NTF3: variants seen among roughly 807,000 people sequenced by gnomAD.
NTF3 encodes neurotrophin 3, also known as neurotrophin-3.
In NTF3, 8 loss-of-function variants were observed where a neutral mutation model predicts 26.3. The observed-to-expected ratio is 0.30, with a 90% CI of 0.18 to 0.55. The LOEUF is 0.55. Ranked by LOEUF, NTF3 falls within the 20% of genes least tolerant of loss-of-function variation. NTF3 has a pLI of 0.93. For synonymous variants in NTF3, 154 were observed against 145.5 expected (o/e 1.06, Z -0.42); for missense variants, 276 against 352.9 (o/e 0.78, Z 1.75).
chr12:5,462,806 T>A (rs1591598735), intron 1 of NTF3, among the ~76,000 whole-genome samples: 1 of 152,214 alleles, frequency 6.6e-6, no homozygotes, highest in East Asian at 1.9e-4. Flanking sequence ...TATGACATGA[T>A]GGATGTTCTT....
chr12:5,488,929 T>G (rs1351188525), intron 1 of NTF3, among the ~76,000 whole-genome samples: 2 of 152,200 alleles, frequency 1.3e-5, no homozygotes, highest in Non-Finnish European at 2.9e-5. Flanking sequence ...TATTAAAAAT[T>G]TGGCAAATTA....
Position 5,451,203 on chromosome 12 carries a change from C to T in NTF3, c.18+18861C>T, listed in dbSNP as rs1367919937. Among the ~76,000 whole-genome samples, 3 of 152,166 alleles carry T rather than the reference C, an allele frequency of 2.0e-5. No individual in the cohort carries two copies. In the East Asian group the frequency reaches 5.8e-4, roughly 29 times the overall value. On this transcript the variant is annotated intron_variant, in intron 1 of 1. Transcript: ENST00000423158. ...AATGAACTACCTTATGGGATTGTAC[C>T]CCTCTGCATGGTAGCCTCATCCTAC... is the stretch of plus-strand genomic sequence containing the variant.
intron 1 of NTF3, among the ~76,000 whole-genome samples, chr12:5,452,763 G>A (rs573876799): frequency 6.6e-6 from 1 of 152,332 alleles, no homozygotes; most frequent in African/African-American, 2.4e-5. Context: ...GCCTTGGGAA[G>A]AGCACTCAGG....
rs1940445450 is a variant in NTF3 at position 5,456,197 on chromosome 12, A to G, written c.18+23855A>G. On this transcript the variant is annotated intron_variant, in intron 1 of 1. Coordinates refer to ENST00000423158, the MANE Select transcript of NTF3 (RefSeq NM_001102654.2). The surrounding 1 kb of genome is among the most constrained non-coding windows in gnomAD (Gnocchi z 4.4). ...GTACAGGATGCACTGCAAGCTTTAA[A>G]TGCGAGTGGCATCATCCCCTTCCGG... is the stretch of plus-strand genomic sequence containing the variant. Among the ~76,000 whole-genome samples, 1 of 152,196 alleles carries G rather than the reference A, an allele frequency of 6.6e-6. No individual in the cohort carries two copies. The highest frequency in any genetic ancestry group is 6.5e-5 in the Admixed American group (1 of 15,278).
intron 1 of NTF3, among the ~76,000 whole-genome samples, chr12:5,454,063 A>G (rs1328598495): frequency 1.3e-5 from 2 of 152,112 alleles, no homozygotes; most frequent in African/African-American, 4.8e-5. Context: ...GTAACAAAGC[A>G]CCACAAATTG....
upstream of NTF3, among the ~76,000 whole-genome samples, chr12:5,431,233 C>T (rs1282420026): frequency 6.6e-6 from 1 of 152,158 alleles, no homozygotes; most frequent in South Asian, 2.1e-4. Context: ...TCGCGCTGTC[C>T]CCGCGTGCAG....
intron 1 of NTF3, among the ~76,000 whole-genome samples, chr12:5,467,008 G>A (rs1591600068): frequency 1.3e-5 from 2 of 152,126 alleles, no homozygotes; most frequent in South Asian, 4.2e-4. Context: ...AGGGCGGTTG[G>A]ATCACAAGGT....
chr12:5,442,391 G>A (rs1487829412), intron 1 of NTF3, among the ~76,000 whole-genome samples: 17 of 152,106 alleles, frequency 1.1e-4, no homozygotes, highest in Admixed American at 9.8e-4. Flanking sequence ...GGGGAGAGTC[G>A]GGGGAACACG....
intron 1 of NTF3, among the ~76,000 whole-genome samples, chr12:5,489,290 G>T (rs567228746): frequency 6.6e-6 from 1 of 152,346 alleles, no homozygotes; most frequent in Non-Finnish European, 1.5e-5. Context: ...CTTGGGGAAG[G>T]ACACAGCCTG....
chr12:5,437,903 G>A (rs1565382984), intron 1 of NTF3, among the ~76,000 whole-genome samples: 1 of 152,204 alleles, frequency 6.6e-6, no homozygotes, highest in African/African-American at 2.4e-5. Context: ...TGGGGGACAC[G>A]TGAGCGTAGG....
chr12:5,482,164 G>A (rs558024846), intron 1 of NTF3, among the ~76,000 whole-genome samples: 25 of 151,914 alleles, frequency 1.6e-4, no homozygotes, highest in African/African-American at 4.1e-4. Flanking sequence ...GTGCTCATGC[G>A]TACACGAGCG....
intron 1 of NTF3, among the ~76,000 whole-genome samples, chr12:5,452,732 C>T (rs997416253): frequency 6.6e-6 from 1 of 152,192 alleles, no homozygotes; most frequent in Admixed American, 6.5e-5. Context: ...TGTGTACTCA[C>T]GCATCCCCCC....
chr12:5,470,015 C>T (rs547430084), intron 1 of NTF3, among the ~76,000 whole-genome samples: 1 of 152,320 alleles, frequency 6.6e-6, no homozygotes, highest in East Asian at 1.9e-4. Context: ...AGCTCCGCCT[C>T]CCGGGTTCAC....
At position 5,432,176 on chromosome 12, in the gene NTF3, A is replaced by G. The variant is rs1413046489; in HGVS notation, c.-149A>G. 3 of 911,786 alleles carry G rather than the reference A, an allele frequency of 3.3e-6. No homozygotes were observed. Among genetic ancestry groups the G allele is most frequent in the African/African-American group, 1.6e-5 (1 of 61,270 alleles). The allele number at this position is 911,786 out of a possible 1,614,324, so 56.5% of individuals were successfully genotyped here. A position where few individuals can be genotyped will look rare whatever the true frequency, so the allele number is the denominator to read the frequency against. On this transcript the variant is annotated 5_prime_UTR_variant, in exon 1 of 2. Transcript: ENST00000423158. ...CCGCCCCGCGACGCAGCCCGGCGCAACTACTTTCTTCTCTCTCCTTTCTTT... is the reference window on the plus strand; with the variant it reads ...CCGCCCCGCGACGCAGCCCGGCGCAGCTACTTTCTTCTCTCTCCTTTCTTT...
chr12:5,455,223 C>G (rs905493409), intron 1 of NTF3, among the ~76,000 whole-genome samples: 1 of 152,220 alleles, frequency 6.6e-6, no homozygotes, highest in African/African-American at 2.4e-5. Flanking sequence ...CTGCTCCCCT[C>G]CCAGCTCCTG....
intron 1 of NTF3, among the ~76,000 whole-genome samples, chr12:5,485,025 G>A (rs532891079): frequency 7.9e-5 from 12 of 152,126 alleles, no homozygotes; most frequent in Non-Finnish European, 1.3e-4. Context: ...CACCTTCAAC[G>A]CTCCAGCCAT....
intron 1 of NTF3, among the ~76,000 whole-genome samples, chr12:5,490,664 C>G (rs1248333198): frequency 6.6e-6 from 1 of 152,206 alleles, no homozygotes; most frequent in Non-Finnish European, 1.5e-5. Context: ...ATTCTTGCCC[C>G]CAGCAAATTC....
Position 5,494,036 on chromosome 12 carries a change from C to T in NTF3, c.19-158C>T. Reference sequence around the variant, plus strand: ...TCCCGGGGGTGGGGGAAAGAAATCACCTCTTCAGAATGTCCAGAGGGGAGT... The same window carrying T: ...TCCCGGGGGTGGGGGAAAGAAATCATCTCTTCAGAATGTCCAGAGGGGAGT... On this transcript the variant is annotated intron_variant, in intron 1 of 1. Coordinates refer to ENST00000423158, the MANE Select transcript of NTF3 (RefSeq NM_001102654.2). The surrounding 1 kb of genome is among the most constrained non-coding windows in gnomAD (Gnocchi z 8.3). 1 of 643,414 alleles carries T rather than the reference C, an allele frequency of 1.6e-6. No homozygotes were observed. The highest frequency in any genetic ancestry group is 2.7e-6 in the Non-Finnish European group (1 of 376,282). 39.9% of individuals were successfully genotyped at this position (643,414 alleles called of 1,614,324 possible).
At position 5,494,935 on chromosome 12, in the gene NTF3, C is replaced by G; in HGVS notation, c.760C>G (p.Arg254Gly). The G allele has an allele frequency of 6.2e-7, 1 of 1,614,052 alleles. No individual in the cohort carries two copies. Among genetic ancestry groups the G allele is most frequent in the Non-Finnish European group, 8.5e-7 (1 of 1,180,012 alleles). The change falls in exon 2 of 2, where the codon CGG becomes GGG. Residue 254 changes from arginine to glycine, a missense_variant. Transcript: ENST00000423158. The surrounding 1 kb of genome is among the most constrained non-coding windows in gnomAD (Gnocchi z 8.3). ...TAAACTCGTGGGCTGGCGGTGGATA[C>G]GGATAGACACGTCCTGTGTGTGTGC... The part of the protein sequence containing the change: ...NNKLVGWRWI[R>G]IDTSCVCALS...
Sources: allele counts gnomAD v4.1 joint callset (sites outside exome capture counted in the v4.1 genomes callset), GRCh38; gene constraint gnomAD v4.1.1; non-coding constraint Gnocchi (gnomAD v3.1); transcripts MANE v1.5; gene names NCBI Gene and HGNC (gene_info 2026-07-23, HGNC 2026-07-21).